Variants in CACNA1H observed in about 807,000 individuals in gnomAD.
CACNA1H encodes the protein calcium voltage-gated channel subunit alpha1 H.
A neutral mutation model predicts 192.5 loss-of-function variants in CACNA1H; 149 were observed. That is an observed-to-expected ratio of 0.77 (90% CI 0.68 to 0.89). CACNA1H has a LOEUF of 0.89. Among genes scored for constraint, CACNA1H ranks in the 40% least tolerant of loss-of-function variants. The probability of loss-of-function intolerance (pLI) is 0.00; values close to 1 mark genes in which losing one functional copy is unlikely to be tolerated. For missense variants in CACNA1H, 4,257 were observed against 3,423.5 expected, an observed-to-expected ratio of 1.24 and a Z score of -6.08; for synonymous variants, 2,202 against 1,475.2, an observed-to-expected ratio of 1.49 and a Z score of -11.29.
intron 10 of CACNA1H, 98 bp from the exon 11 acceptor site, chr16:1,205,016 G>A (rs1968504356): frequency 1.5e-6 from 1 of 653,590 alleles, no homozygotes; most frequent in Non-Finnish European, 2.4e-6. Context: ...CAGTGCCGGG[G>A]AGGGGTGGGA....
chr16:1,203,977 T>C lies in CACNA1H; in HGVS notation c.2003-33T>C, dbSNP rs750450231. On this transcript the variant is annotated intron_variant, in intron 9 of 34. Transcript: ENST00000348261. The stretch of plus-strand genomic sequence containing the variant: ...GGGCCCTTGTGGCAGCACCACTGAG[T>C]GGGCCTGCCCCTGTCTGTGCCCTCT... 10 of 1,473,964 alleles carry C rather than the reference T, an allele frequency of 6.8e-6. No individual in the cohort carries two copies. The South Asian group carries it at 1.2e-4, about 17-fold the overall frequency. 91.3% of individuals were successfully genotyped at this position (1,473,964 alleles called of 1,614,324 possible). A position where few individuals can be genotyped will look rare whatever the true frequency, so the allele number is the denominator to read the frequency against.
intron 5 of CACNA1H, among the ~76,000 whole-genome samples, chr16:1,197,304 G>A (rs376070495): frequency 6.6e-6 from 1 of 152,250 alleles, no homozygotes; most frequent in Non-Finnish European, 1.5e-5. Context: ...CGCGTGTGTG[G>A]CTCTTGGCCC....
At chr16:1,206,406 T>A in intron 12 of CACNA1H, 117 bp downstream of exon 12, 1 of 929,636 alleles carries the variant, frequency 1.1e-6, no homozygotes, top group Non-Finnish European at 1.6e-6. Context: ...CCCCAGAGCA[T>A]CTGCAGACAC....
chr16:1,207,759 G>A lies in CACNA1H; in HGVS notation c.3064-11G>A. ...GCCCCTCATGCCTGCCTTGTGCTTT[G>A]TTGGGTTTAGGGCGATGCCAACAGA... On this transcript the variant is annotated splice_polypyrimidine_tract_variant and intron_variant, in intron 14 of 34. Coordinates refer to ENST00000348261, the MANE Select transcript of CACNA1H (RefSeq NM_021098.3). The A allele has an allele frequency of 1.3e-6, 2 of 1,587,160 alleles. No homozygotes were observed. Among genetic ancestry groups the A allele is most frequent in the Non-Finnish European group, 1.7e-6 (2 of 1,167,404 alleles).
In CACNA1H at chr16:1,166,743, T is replaced by TCCATCCTC. The variant is rs1432464558; in HGVS notation, c.299+12710_299+12717dup. On this transcript the variant is annotated intron_variant, in intron 2 of 34. Transcript: ENST00000348261. ...TCTCGAGCTTTGTGCGGGCCGGTCG[T>TCCATCCTC]CCATCCTCCCCGCAGAGCCCTGACC... Among the ~76,000 whole-genome samples the TCCATCCTC allele has an allele frequency of 2.8e-4, 42 of 152,156 alleles. 2 individuals are homozygous for TCCATCCTC. Among genetic ancestry groups the TCCATCCTC allele is most frequent in the Admixed American group, 2.7e-3 (42 of 15,282 alleles).
chr16:1,170,888 C>A (rs1257942522), intron 2 of CACNA1H, among the ~76,000 whole-genome samples: 1 of 152,198 alleles, frequency 6.6e-6, no homozygotes, highest in Non-Finnish European at 1.5e-5. Context: ...GGCGCCAACC[C>A]CGCATTGTCT....
intron 2 of CACNA1H, among the ~76,000 whole-genome samples, chr16:1,166,348 G>C (rs1021342342): frequency 2.0e-5 from 3 of 152,156 alleles, no homozygotes; most frequent in South Asian, 2.1e-4. Context: ...GCCAAGTAAC[G>C]GTGCCCTGAA....
intron 2 of CACNA1H, among the ~76,000 whole-genome samples, chr16:1,169,313 G>T (rs1202938478): frequency 6.6e-6 from 1 of 152,174 alleles, no homozygotes; most frequent in East Asian, 1.9e-4. Flanking sequence ...CTTGGTGAAG[G>T]GCTGGCATCA....
chr16:1,190,934 A>C (rs1046285851), intron 2 of CACNA1H, among the ~76,000 whole-genome samples: 92 of 142,948 alleles, frequency 6.4e-4, no homozygotes, highest in Non-Finnish European at 1.2e-3. Flanking sequence ...GGTTTCGCTG[A>C]CCCAGCATGC....
chr16:1,155,098 A>T (rs549354557), intron 2 of CACNA1H, among the ~76,000 whole-genome samples: 2 of 152,246 alleles, frequency 1.3e-5, no homozygotes, highest in Non-Finnish European at 2.9e-5. Context: ...GTTTAACTGT[A>T]CAAATATTAA....
In CACNA1H at chr16:1,210,059, G is replaced by A; in HGVS notation, c.3769G>A (p.Val1257Met). The change falls in exon 18 of 35, where the codon GTG (valine) becomes ATG (methionine). Residue 1257 changes from valine to methionine, a missense_variant. Physicochemically the swap from Val to Met is conservative, Grantham distance 21. Transcript: ENST00000348261. ...EDSCCLRLHK[V>M]LEPYKPQWCR... ...GAGCTGCTGCCTCCGCCTGCATAAA[G>A]TGCTGGAGCCCTACAAGCCCCAGTG... 3 of 1,554,006 alleles carry A rather than the reference G, an allele frequency of 1.9e-6. No individual in the cohort carries two copies. Among genetic ancestry groups the A allele is most frequent in the South Asian group, 1.2e-5 (1 of 84,204 alleles).
Position 1,211,228 on chromosome 16 carries a change from G to T in CACNA1H, c.4284G>T (p.Arg1428Ser). ...TGGAGACGCTGATATCATCACTCAG[G>T]CCCATTGGGAACATCGTCCTCATCT... ...LVVETLISSLRPIGNIVLICC... is the reference protein window; with the variant it reads ...LVVETLISSLSPIGNIVLICC... The change falls in exon 22 of 35, where the codon AGG (arginine) becomes AGT (serine). Residue 1428 changes from arginine (R) to serine (S), a missense_variant. Coordinates refer to ENST00000348261, the MANE Select transcript of CACNA1H (RefSeq NM_021098.3). 1.2e-6 allele frequency: 2 copies of T among 1,613,070 alleles called. No individual in the cohort carries two copies. Among genetic ancestry groups the T allele is most frequent in the Non-Finnish European group, 1.7e-6 (2 of 1,179,744 alleles).
intron 2 of CACNA1H, among the ~76,000 whole-genome samples, chr16:1,168,193 T>C (rs375800262): frequency 0.062 from 8,296 of 133,138 alleles, 681 homozygotes; most frequent in African/African-American, 0.24. Flanking sequence ...TGATGTGGGA[T>C]CCCCCCCCCC....
In CACNA1H at chr16:1,217,925, G is replaced by T. The variant is rs1439949443; in HGVS notation, c.5330G>T (p.Ser1777Ile). Residue 1777 changes from serine to isoleucine, a missense_variant, in exon 32 of 35, where the codon AGT becomes ATT. Physicochemically the swap from Ser to Ile is moderately radical, Grantham distance 142. Coordinates refer to ENST00000348261, the MANE Select transcript of CACNA1H (RefSeq NM_021098.3). ...GVELFGRLEC[S>I]EDNPCEGLSR... ...GGGGTCTCCCTCCCCGCAGAGTGCA[G>T]TGAAGACAACCCCTGCGAGGGCCTG... 6.2e-7 allele frequency: 1 copy of T among 1,603,938 alleles called. No individual in the cohort carries two copies. The highest frequency in any genetic ancestry group is 1.7e-5 in the Admixed American group (1 of 59,030).
intron 33 of CACNA1H, 89 bp downstream of exon 33, chr16:1,218,740 C>T (rs1227524792): frequency 1.4e-5 from 18 of 1,314,718 alleles, no homozygotes; most frequent in Non-Finnish European, 1.8e-5. Flanking sequence ...TGGGGTCAGG[C>T]CAGAGCAGGG....
In CACNA1H at chr16:1,167,859, C is replaced by T. The variant is rs1191241919; in HGVS notation, c.299+13823C>T. Among the ~76,000 whole-genome samples the T allele has an allele frequency of 6.6e-6, 1 of 152,168 alleles. No individual in the cohort carries two copies. The highest frequency in any genetic ancestry group is 1.5e-5 in the Non-Finnish European group (1 of 68,028). ...GGGGCGTGGCCTGGCCGTCCGTCCG[C>T]GGGGCCCGGGCTGCCCATGGCAGCA... On this transcript the variant is annotated intron_variant, in intron 2 of 34. Coordinates refer to ENST00000348261, the MANE Select transcript of CACNA1H (RefSeq NM_021098.3). This position sits in a 1 kb window ranked among gnomAD's most constrained non-coding sequence, Gnocchi z 4.2.
chr16:1,185,068 G>A (rs566310543), intron 2 of CACNA1H, among the ~76,000 whole-genome samples: 2 of 152,288 alleles, frequency 1.3e-5, no homozygotes, highest in South Asian at 2.1e-4. Context: ...TCTCTACCCC[G>A]CTTTGTCTCT....
At chr16:1,203,673 C>T (rs892492559) in intron 9 of CACNA1H, among the ~76,000 whole-genome samples, 12 of 152,198 alleles carry the variant, frequency 7.9e-5, no homozygotes, top group South Asian at 2.1e-4. Flanking sequence ...ACTCTCCTCG[C>T]CTCTCCTAAG....
intron 27 of CACNA1H, among the ~76,000 whole-genome samples, chr16:1,214,381 C>T (rs1393843197): frequency 6.6e-6 from 1 of 152,244 alleles, no homozygotes; most frequent in Non-Finnish European, 1.5e-5. Context: ...GCTGAACAGA[C>T]TCAGCTCTAT....
Sources: allele counts gnomAD v4.1 joint callset (sites outside exome capture counted in the v4.1 genomes callset), GRCh38; gene constraint gnomAD v4.1.1; non-coding constraint Gnocchi (gnomAD v3.1); transcripts MANE v1.5; gene names NCBI Gene and HGNC (gene_info 2026-07-23, HGNC 2026-07-21).